Variants in DRP2 observed in about 807,000 individuals in gnomAD.
DRP2 encodes dystrophin related protein 2.
A neutral mutation model predicts 78.2 loss-of-function variants in DRP2; 29 were observed. The ratio of observed to expected loss-of-function variants is 0.37; its 90% CI spans 0.28 to 0.51. DRP2 has a LOEUF of 0.51. Ranked by LOEUF, DRP2 falls within the 20% of genes least tolerant of loss-of-function variation. The pLI, the probability that DRP2 is intolerant of heterozygous loss-of-function variation, is 0.94. For synonymous variants in DRP2, 290 were observed against 281.9 expected (o/e 1.03, Z -0.29); for missense variants, 686 against 770.6 (o/e 0.89, Z 1.30).
Position 101,258,426 on chromosome X carries a change from G to A in DRP2, c.2508G>A (p.Leu836=). 8.3e-7 allele frequency: 1 copy of A among 1,206,797 alleles called. No individual in the cohort carries two copies. ...AATDHRNEEL[L]AEARILRQHK... is the part of the protein sequence containing the mutation. Reference sequence around the variant, plus strand: ...CAGACCACCGCAATGAGGAGCTTCTGGCCGAGGCCCGTATCCTTCGGCAAC... The same window carrying A: ...CAGACCACCGCAATGAGGAGCTTCTAGCCGAGGCCCGTATCCTTCGGCAAC... The change falls in exon 22 of 24, where the codon CTG becomes CTA. Residue 836 remains leucine (L), a synonymous_variant. Coordinates refer to ENST00000395209, the MANE Select transcript of DRP2 (RefSeq NM_001939.3).
chrX:101,245,098 G>A (rs768976897), intron 10 of DRP2, 21 bp downstream of exon 10: 96 of 1,196,038 alleles, frequency 8.0e-5, no homozygotes, highest in Non-Finnish European at 9.0e-6. Context: ...ATCTGAATCA[G>A]AAGCGGGTCA....
At chrX:101,229,281 T>G (rs1367691417) in intron 2 of DRP2, among the ~76,000 whole-genome samples, 1 of 112,272 alleles carries the variant, frequency 8.9e-6, no homozygotes, top group Non-Finnish European at 1.9e-5. Context: ...CATTTTTTAA[T>G]CTAAGTGACT....
At position 101,245,007 on chromosome X, in the gene DRP2, C is replaced by T; in HGVS notation, c.1055-10C>T. The T allele has an allele frequency of 1.7e-6, 2 of 1,205,406 alleles. No homozygotes were observed. The highest frequency in any genetic ancestry group is 2.2e-6 in the Non-Finnish European group (2 of 892,387). ...CCAGCTTTTTTTCTCTTTCTCTTCT[C>T]CTTTACCAGCCTCTGTCCAGGTTCC... On this transcript the variant is annotated splice_polypyrimidine_tract_variant and intron_variant, in intron 9 of 23. Coordinates refer to ENST00000395209, the MANE Select transcript of DRP2 (RefSeq NM_001939.3).
chrX:101,250,328 G>T (rs1341618318), intron 14 of DRP2, 95 bp from the exon 15 acceptor site: 1 of 1,123,613 alleles, frequency 8.9e-7, no homozygotes, highest in Non-Finnish European at 1.2e-6. Context: ...CTCAGTCTGT[G>T]CTCTTTCCCT....
chrX:101,245,835 C>T (rs1192048627), intron 11 of DRP2, among the ~76,000 whole-genome samples: 6 of 111,485 alleles, frequency 5.4e-5, no homozygotes, highest in South Asian at 3.8e-4. Context: ...GAGAGATCTA[C>T]GGTGCAGCAT....
At chrX:101,238,417 T>C (rs958076682) in intron 5 of DRP2, among the ~76,000 whole-genome samples, 2 of 91,351 alleles carry the variant, frequency 2.2e-5, no homozygotes, top group East Asian at 3.8e-4. Context: ...ATTCCACTTA[T>C]ACAAAGTTTA....
rs1923266038 is a variant in DRP2, at chrX:101,254,508, T to C, written c.2061T>C (p.Pro687=). 1 of 1,211,897 alleles carries C rather than the reference T, an allele frequency of 8.3e-7. No homozygotes were observed. Among genetic ancestry groups the C allele is most frequent in the Non-Finnish European group, 1.1e-6 (1 of 895,544 alleles). Residue 687 remains proline (P), a synonymous_variant, in exon 18 of 24, where the codon CCT becomes CCC. Transcript: ENST00000395209. ...FRSKHYFSKH[P]QRGYLPVQSV... Reference sequence around the variant, plus strand: ...CCAAGCATTATTTCAGCAAACACCCTCAGCGAGGTTATCTGCCTGTGCAAT... The same window carrying C: ...CCAAGCATTATTTCAGCAAACACCCCCAGCGAGGTTATCTGCCTGTGCAAT...
chrX:101,260,133 G>A lies in DRP2; in HGVS notation c.2713G>A (p.Glu905Lys), dbSNP rs776834891. 4 of 1,209,401 alleles carry A rather than the reference G, an allele frequency of 3.3e-6. No individual in the cohort carries two copies. In the African/African-American group the frequency reaches 5.3e-5, roughly 16 times the overall value. The change falls in exon 23 of 24, where the codon GAG becomes AAG. Residue 905 changes from glutamate (E) to lysine (K), a missense_variant. Glu to Lys is a moderately conservative substitution (Grantham distance 56). Coordinates refer to ENST00000395209, the MANE Select transcript of DRP2 (RefSeq NM_001939.3). ...PQQSEGSHPREKGQTTPDTEA... is the reference protein window; with the variant it reads ...PQQSEGSHPRKKGQTTPDTEA... The stretch of plus-strand genomic sequence containing the variant: ...GCAGTCAGAAGGCAGTCACCCCCGG[G>A]AGAAGGGACAGACTACTCCAGATAC...
chrX:101,239,567 A>AC (rs1168891342), intron 6 of DRP2, among the ~76,000 whole-genome samples: 1 of 110,657 alleles, frequency 9.0e-6, no homozygotes, highest in Non-Finnish European at 1.9e-5. Context: ...ACATAGTGAG[A>AC]CCCCCATCTC....
rs1442665315 is a variant in DRP2, at chrX:101,223,858, A to G, written c.-166-746A>G. Among the ~76,000 whole-genome samples, 14 of 112,013 alleles carry G rather than the reference A, an allele frequency of 1.2e-4. 1 individual carries two copies. The highest frequency in any genetic ancestry group is 9.5e-4 in the Admixed American group (10 of 10,517). On this transcript the variant is annotated intron_variant, in intron 1 of 23. Coordinates refer to ENST00000395209, the MANE Select transcript of DRP2 (RefSeq NM_001939.3). ...TTCTAGCTTGAAAATCTGAGTTTCT[A>G]TGATTTATTCATTAAATCAGGTACA...
chrX:101,252,578 T>C, intron 16 of DRP2, 27 bp from the exon 17 acceptor site: 2 of 1,181,488 alleles, frequency 1.7e-6, no homozygotes, highest in Non-Finnish European at 2.3e-6. Context: ...TGGACTCTCT[T>C]TCCTACTACA....
intron 6 of DRP2, among the ~76,000 whole-genome samples, chrX:101,239,971 A>T (rs1048775649): frequency 9.0e-6 from 1 of 111,129 alleles, no homozygotes; most frequent in African/African-American, 3.3e-5. Flanking sequence ...TGAGCCCAGA[A>T]GTTCGAGGCT....
At chrX:101,243,115 G>A in intron 9 of DRP2, 133 bp downstream of exon 9, 1 of 524,504 alleles carries the variant, frequency 1.9e-6, no homozygotes, top group Non-Finnish European at 3.1e-6. Flanking sequence ...ATAAAACAGT[G>A]TGGTATAGTG....
intron 1 of DRP2, among the ~76,000 whole-genome samples, 184 bp downstream of exon 1, chrX:101,220,330 C>T (rs915496309): frequency 3.8e-5 from 4 of 104,586 alleles, no homozygotes; most frequent in South Asian, 8.9e-4. Context: ...TGCCTGCCTG[C>T]GGTCTGCTTG....
intron 11 of DRP2, among the ~76,000 whole-genome samples, chrX:101,246,845 A>T (rs779083287): frequency 2.7e-5 from 3 of 112,163 alleles, no homozygotes; most frequent in Non-Finnish European, 5.6e-5. Flanking sequence ...GCTCTGGGAT[A>T]TATAGCTGGC....
At chrX:101,232,537 C>A (rs1290546898) in intron 3 of DRP2, among the ~76,000 whole-genome samples, 1 of 110,583 alleles carries the variant, frequency 9.0e-6, no homozygotes, top group African/African-American at 3.3e-5. Context: ...CAGGCAGCGG[C>A]CGAATATACA....
intron 1 of DRP2, among the ~76,000 whole-genome samples, chrX:101,224,207 T>TTTTTTTTTTTTTTTTTG (rs1922022378): frequency 1.5e-5 from 1 of 66,361 alleles, no homozygotes; most frequent in African/African-American, 5.7e-5. Context: ...TTTTTTTTTT[T>TTTTTTTTTTTTTTTTTG]TTTTTTTTTT....
At chrX:101,237,465 G>C (rs1260358497) in intron 4 of DRP2, among the ~76,000 whole-genome samples, 154 bp from the exon 5 acceptor site, 1 of 111,827 alleles carries the variant, frequency 8.9e-6, no homozygotes, top group East Asian at 2.8e-4. Flanking sequence ...GTGGGTAAGA[G>C]GGAGGACTCC....
chrX:101,225,645 C>G (rs1393934479), intron 2 of DRP2, among the ~76,000 whole-genome samples: 1 of 111,432 alleles, frequency 9.0e-6, no homozygotes. Context: ...GCTGGCACAC[C>G]AATCTTTCCA....
Sources: allele counts gnomAD v4.1 joint callset (sites outside exome capture counted in the v4.1 genomes callset), GRCh38; gene constraint gnomAD v4.1.1; transcripts MANE v1.5; gene names NCBI Gene and HGNC (gene_info 2026-07-23, HGNC 2026-07-21).